The following ELAVL2 variants were observed in gnomAD, a reference collection of about 807,000 sequenced individuals.
The protein encoded by ELAVL2 is ELAV-like protein 2.
In ELAVL2, 4 loss-of-function variants were observed where a neutral mutation model predicts 34.6. That is an observed-to-expected ratio of 0.12 (90% CI 0.06 to 0.26). The LOEUF is 0.26. Among genes scored for constraint, ELAVL2 ranks in the 10% least tolerant of loss-of-function variants. The pLI, the probability that ELAVL2 is intolerant of heterozygous loss-of-function variation, is 1.00. For synonymous variants in ELAVL2, 193 were observed against 154.8 expected (o/e 1.25, Z -1.83); for missense variants, 432 against 442.8 (o/e 0.98, Z 0.22).
chr9:23,751,026 A>T (rs2051846466), intron 2 of ELAVL2, among the ~76,000 whole-genome samples: 1 of 152,164 alleles, frequency 6.6e-6, no homozygotes, highest in Non-Finnish European at 1.5e-5. Context: ...TCCAAAGGTC[A>T]AACAGGTTGT....
chr9:23,693,550 G>A, intron 5 of ELAVL2, 64 bp from the exon 6 acceptor site: 1 of 1,591,044 alleles, frequency 6.3e-7, no homozygotes. Flanking sequence ...CAAGAAAGTT[G>A]GGCTCATTAC....
In ELAVL2 at chr9:23,702,032, C is replaced by G. The variant is rs560605287; in HGVS notation, c.488-428G>C. On this transcript the variant is annotated intron_variant, in intron 4 of 6. Transcript: ENST00000397312. Reference sequence around the variant, plus strand: ...GTTCCTGTCCTTGAAACAAGGAGAACAGAAAGAAGAATTTGCTAAAAATGC... The same window carrying G: ...GTTCCTGTCCTTGAAACAAGGAGAAGAGAAAGAAGAATTTGCTAAAAATGC... Among the ~76,000 whole-genome samples the G allele has an allele frequency of 2.8e-4, 42 of 152,072 alleles. No individual in the cohort carries two copies. The South Asian group carries it at 8.3e-3, about 30-fold the overall frequency.
intron 1 of ELAVL2, among the ~76,000 whole-genome samples, chr9:23,824,989 C>A (rs1218295559): frequency 6.6e-6 from 1 of 152,164 alleles, no homozygotes; most frequent in African/African-American, 2.4e-5. Context: ...GAATCCACTT[C>A]CCAGCGCCCA....
the ELAVL2 span, among the ~76,000 whole-genome samples, chr9:23,845,925 G>A: frequency 6.6e-6 from 1 of 151,808 alleles, no homozygotes; most frequent in Non-Finnish European, 1.5e-5. Flanking sequence ...GAAATATTGA[G>A]CAGTTTTCTG....
intron 1 of ELAVL2, chr9:23,779,231 TCTTA>T (rs2058701059): frequency 1.0e-6 from 1 of 985,114 alleles, no homozygotes; most frequent in African/African-American, 1.7e-5. Context: ...AAATAAGAGG[TCTTA>T]CTTCACACTT....
At chr9:23,703,694 A>T (rs1429402580) in intron 4 of ELAVL2, among the ~76,000 whole-genome samples, 1 of 152,206 alleles carries the variant, frequency 6.6e-6, no homozygotes, top group African/African-American at 2.4e-5. Flanking sequence ...CTGCTTTAAA[A>T]GAATTAGACA....
chr9:23,770,357 G>C (rs1171504427), intron 1 of ELAVL2, among the ~76,000 whole-genome samples: 1 of 152,130 alleles, frequency 6.6e-6, no homozygotes, highest in African/African-American at 2.4e-5. Context: ...TGCTGTGATA[G>C]GAAGAAAAAT....
intron 1 of ELAVL2, among the ~76,000 whole-genome samples, chr9:23,825,050 A>G (rs1471773460): frequency 6.6e-6 from 1 of 152,138 alleles, no homozygotes; most frequent in Non-Finnish European, 1.5e-5. Context: ...AGCTCCAAGG[A>G]TCTTATTTAC....
intron 1 of ELAVL2, among the ~76,000 whole-genome samples, chr9:23,800,053 C>G (rs1245386836): frequency 6.6e-6 from 1 of 152,138 alleles, no homozygotes; most frequent in Non-Finnish European, 1.5e-5. Flanking sequence ...GCCTTAAAGT[C>G]CAATATTTCT....
In ELAVL2 at chr9:23,762,045, C is replaced by T; in HGVS notation, c.190G>A (p.Glu64Lys). The T allele has an allele frequency of 6.2e-7, 1 of 1,613,196 alleles. No homozygotes were observed. Among genetic ancestry groups the T allele is most frequent in the Non-Finnish European group, 8.5e-7 (1 of 1,179,450 alleles). Reference protein sequence around the residue: ...ELKSLFGSIGEIESCKLVRDK... With the variant: ...ELKSLFGSIGKIESCKLVRDK... ...CTTACAAGCTTACAGGACTCTATTT[C>T]ACCAATGCTCCCAAAGAGACTCTTT... Residue 64 changes from glutamate (E) to lysine (K), a missense_variant, in exon 2 of 7, where the codon GAA becomes AAA. Glu to Lys is a moderately conservative substitution (Grantham distance 56, BLOSUM62 1). Coordinates refer to ENST00000397312, the MANE Select transcript of ELAVL2 (RefSeq NM_004432.5).
At chr9:23,735,271 T>TTTA (rs1292456559) in intron 2 of ELAVL2, 1 of 152,030 alleles carries the variant, frequency 6.6e-6, no homozygotes, top group Non-Finnish European at 1.5e-5. Context: ...TTCAAACCAT[T>TTTA]AATTCAAATC....
chr9:23,731,185 C>A, intron 2 of ELAVL2, 60 bp from the exon 3 acceptor site: 1 of 1,476,092 alleles, frequency 6.8e-7, no homozygotes, highest in South Asian at 1.3e-5. Flanking sequence ...CAGAGATCAA[C>A]TTTCATTTTG....
At chr9:23,843,240 T>C in the ELAVL2 span, among the ~76,000 whole-genome samples, 1 of 152,096 alleles carries the variant, frequency 6.6e-6, no homozygotes, top group African/African-American at 2.4e-5. Context: ...ACTTCCTTCC[T>C]ATAAAATAAT....
At chr9:23,840,947 G>A in the ELAVL2 span, among the ~76,000 whole-genome samples, 16 of 152,216 alleles carry the variant, frequency 1.1e-4, no homozygotes, top group East Asian at 7.7e-4. Context: ...AAATATACAC[G>A]TTGGACTGAC....
intron 2 of ELAVL2, among the ~76,000 whole-genome samples, chr9:23,751,363 C>A (rs542621407): frequency 1.3e-5 from 2 of 152,272 alleles, no homozygotes; most frequent in South Asian, 4.1e-4. Flanking sequence ...CTCATGGAAA[C>A]TGCCCCCTCC....
At chr9:23,697,855 C>T (rs569964465) in intron 5 of ELAVL2, among the ~76,000 whole-genome samples, 63 of 150,832 alleles carry the variant, frequency 4.2e-4, no homozygotes, top group Admixed American at 3.4e-3. Flanking sequence ...ACTCGGAATC[C>T]CACAAATAAT....
chr9:23,738,769 G>A (rs1439827977), intron 2 of ELAVL2, among the ~76,000 whole-genome samples: 1 of 152,144 alleles, frequency 6.6e-6, no homozygotes, highest in Non-Finnish European at 1.5e-5. Context: ...TGATCATTTG[G>A]TAAATATTAC....
chr9:23,720,730 T>G (rs2043466731), intron 3 of ELAVL2, among the ~76,000 whole-genome samples: 1 of 152,154 alleles, frequency 6.6e-6, no homozygotes, highest in Non-Finnish European at 1.5e-5. Flanking sequence ...ATCCTATTTT[T>G]TACAAGTAGA....
At chr9:23,718,720 A>T (rs899545452) in intron 3 of ELAVL2, among the ~76,000 whole-genome samples, 5 of 152,248 alleles carry the variant, frequency 3.3e-5, no homozygotes, top group African/African-American at 1.2e-4. Context: ...ACATAAGGGG[A>T]TAACCCCTGA....
Sources: allele counts gnomAD v4.1 joint callset (sites outside exome capture counted in the v4.1 genomes callset), GRCh38; gene constraint gnomAD v4.1.1; transcripts MANE v1.5; gene names NCBI Gene and HGNC (gene_info 2026-07-23, HGNC 2026-07-21).